EML6: variants seen among roughly 807,000 people sequenced by gnomAD.
EML6 encodes echinoderm microtubule-associated protein-like 6.
EML6 carries 154 observed loss-of-function variants against 240.1 expected under a neutral mutation model. The ratio of observed to expected loss-of-function variants is 0.64; its 90% confidence interval spans 0.56 to 0.73. EML6 has a LOEUF of 0.73. Ranked by LOEUF, EML6 falls within the 30% of genes least tolerant of loss-of-function variation. The pLI, the probability that EML6 is intolerant of heterozygous loss-of-function variation, is 0.00. For synonymous variants in EML6, 1,148 were observed against 899.0 expected, an observed-to-expected ratio of 1.28 and a Z score of -4.95; for missense variants, 2,964 against 2,474.6, an observed-to-expected ratio of 1.20 and a Z score of -4.20.
Position 54,799,261 on chromosome 2 carries a change from A to T in EML6, c.198-13971A>T, listed in dbSNP as rs532724442. ...TTTTTAGTAGAGAAGGAGTTTTACA[A>T]TGTTGGCCAGGCTGGTCTCAAACTC... is the stretch of plus-strand genomic sequence containing the variant. On this transcript the variant is annotated intron_variant, in intron 2 of 41. Transcript: ENST00000356458. Among the ~76,000 whole-genome samples, 3 of 149,976 alleles carry T rather than the reference A, an allele frequency of 2.0e-5. No individual in the cohort carries two copies. The South Asian group carries it at 6.3e-4, about 32-fold the overall frequency.
At chr2:54,859,330 C>T (rs563696607) in intron 11 of EML6, among the ~76,000 whole-genome samples, 8 of 152,238 alleles carry the variant, frequency 5.3e-5, no homozygotes, top group East Asian at 1.9e-4. Context: ...TTAAATTTTA[C>T]GACCTATTTT....
Position 54,894,950 on chromosome 2 carries a change from G to C in EML6, c.2778G>C (p.Glu926Asp), listed in dbSNP as rs1057026931. 7 of 1,551,368 alleles carry C rather than the reference G, an allele frequency of 4.5e-6. No homozygotes were observed. Among genetic ancestry groups the C allele is most frequent in the Non-Finnish European group, 6.1e-6 (7 of 1,146,730 alleles). ...CAGGTGGAAAGGACGGCATCGTGGAGCTCTGGGATGATATGTTTGAAAGAT... is the reference window on the plus strand; with the variant it reads ...CAGGTGGAAAGGACGGCATCGTGGACCTCTGGGATGATATGTTTGAAAGAT... ...FVTGGKDGIV[E>D]LWDDMFERCL... The change falls in exon 20 of 42, where the codon GAG (glutamate) becomes GAC (aspartate). Residue 926 changes from glutamate to aspartate, a missense_variant. Coordinates refer to ENST00000356458, the MANE Select transcript of EML6 (RefSeq NM_001039753.4).
chr2:54,961,423 G>A (rs1355087830), intron 35 of EML6, among the ~76,000 whole-genome samples: 1 of 151,468 alleles, frequency 6.6e-6, no homozygotes, highest in Admixed American at 6.6e-5. Context: ...CTGACCTCAG[G>A]TGATCCACCC....
intron 2 of EML6, among the ~76,000 whole-genome samples, chr2:54,775,211 C>A (rs1428167793): frequency 6.6e-6 from 1 of 152,210 alleles, no homozygotes; most frequent in Non-Finnish European, 1.5e-5. Context: ...ACTCTCAACC[C>A]TTGCTGCCCA....
At chr2:54,832,759 T>G (rs1332224110) in intron 7 of EML6, among the ~76,000 whole-genome samples, 2 of 141,202 alleles carry the variant, frequency 1.4e-5, no homozygotes, top group African/African-American at 5.1e-5. Flanking sequence ...CGCCAACCCC[T>G]CATCCCTTCC....
intron 2 of EML6, among the ~76,000 whole-genome samples, chr2:54,794,998 C>T (rs1236598371): frequency 6.6e-6 from 1 of 152,158 alleles, no homozygotes; most frequent in Non-Finnish European, 1.5e-5. Flanking sequence ...TCTTGAAACT[C>T]CTTTACCTCA....
intron 33 of EML6, 123 bp downstream of exon 33, chr2:54,958,121 G>A (rs1036056551): frequency 5.0e-6 from 4 of 802,872 alleles, no homozygotes; most frequent in Non-Finnish European, 7.8e-6. Flanking sequence ...TTCCACATTC[G>A]CTCCTGTACT....
At chr2:54,946,444 T>C (rs7581231) in intron 28 of EML6, among the ~76,000 whole-genome samples, 52,350 of 152,024 alleles carry the variant, frequency 0.34, 9,643 homozygotes, top group Admixed American at 0.43. Flanking sequence ...CCTCCACTCC[T>C]TCCCACCTCA....
intron 26 of EML6, 36 bp from the exon 27 acceptor site, chr2:54,928,277 A>G: frequency 1.3e-6 from 2 of 1,481,838 alleles, no homozygotes; most frequent in Non-Finnish European, 9.2e-7. Flanking sequence ...AAGGAATAAC[A>G]GTGGCTGGGG....
intron 2 of EML6, among the ~76,000 whole-genome samples, chr2:54,752,025 C>G (rs181588403): frequency 1.2e-3 from 183 of 152,240 alleles, no homozygotes; most frequent in African/African-American, 4.3e-3. Context: ...AACTTTCTTC[C>G]TTCTTTCCCA....
At chr2:54,960,122 CA>C in intron 34 of EML6, 97 bp from the exon 35 acceptor site, 1 of 927,828 alleles carries the variant, frequency 1.1e-6, no homozygotes, top group Admixed American at 2.1e-5. Flanking sequence ...CCCAACTGGC[CA>C]GAACCCTGAT....
chr2:54,771,345 C>T (rs992429918), intron 2 of EML6, among the ~76,000 whole-genome samples: 7 of 152,184 alleles, frequency 4.6e-5, no homozygotes, highest in East Asian at 1.9e-4. Flanking sequence ...TGTCCCGTAA[C>T]GCCACAGGCA....
chr2:54,743,880 C>T (rs1379757636), intron 2 of EML6, among the ~76,000 whole-genome samples: 3 of 152,188 alleles, frequency 2.0e-5, no homozygotes, highest in South Asian at 2.1e-4. Flanking sequence ...AATCATCTTG[C>T]ACATATCTTT....
Position 54,968,284 on chromosome 2 carries a change from G to T in EML6, c.5751+3G>T. ...ATTTTCCATGCACAGAAAAATTTGT[G>T]AGTGTTCCTCAGAGTAACCTCCCTG... On this transcript the variant is annotated splice_donor_region_variant and intron_variant, in intron 40 of 41. Coordinates refer to ENST00000356458, the MANE Select transcript of EML6 (RefSeq NM_001039753.4). 6.4e-7 allele frequency: 1 copy of T among 1,551,706 alleles called. No individual in the cohort carries two copies. Among genetic ancestry groups the T allele is most frequent in the Non-Finnish European group, 8.7e-7 (1 of 1,147,012 alleles).
In EML6 at chr2:54,847,546, C is replaced by T; in HGVS notation, c.1110C>T (p.Arg370=). 1 of 1,552,252 alleles carries T rather than the reference C, an allele frequency of 6.4e-7. No individual in the cohort carries two copies. Among genetic ancestry groups the T allele is most frequent in the Non-Finnish European group, 8.7e-7 (1 of 1,147,122 alleles). Residue 370 remains arginine, a synonymous_variant, in exon 9 of 42, where the codon CGC becomes CGT. Coordinates refer to ENST00000356458, the MANE Select transcript of EML6 (RefSeq NM_001039753.4). ...IARCNMEEAV[R]SVAFSPDGSQ... ...GCTGTAACATGGAAGAGGCGGTTCGCAGTGTAGCTTTCAGCCCCGACGGAT... is the reference window on the plus strand; with the variant it reads ...GCTGTAACATGGAAGAGGCGGTTCGTAGTGTAGCTTTCAGCCCCGACGGAT...
At chr2:54,874,956 G>A (rs1031369917) in intron 16 of EML6, among the ~76,000 whole-genome samples, 1 of 152,180 alleles carries the variant, frequency 6.6e-6, no homozygotes, top group Non-Finnish European at 1.5e-5. Flanking sequence ...GCCTGGGTTT[G>A]TCAGCAGGCA....
chr2:54,803,037 C>A (rs1670265823), intron 2 of EML6, among the ~76,000 whole-genome samples: 1 of 152,084 alleles, frequency 6.6e-6, no homozygotes, highest in South Asian at 2.1e-4. Context: ...CCCACTTACT[C>A]CTCCAAACAC....
chr2:54,870,274 A>C (rs772166411), intron 15 of EML6, among the ~76,000 whole-genome samples: 1 of 152,130 alleles, frequency 6.6e-6, no homozygotes, highest in East Asian at 1.9e-4. Flanking sequence ...AGGGGAGTCA[A>C]CCCCTTAAAA....
At chr2:54,793,009 T>C (rs1468516479) in intron 2 of EML6, among the ~76,000 whole-genome samples, 1 of 152,222 alleles carries the variant, frequency 6.6e-6, no homozygotes, top group Non-Finnish European at 1.5e-5. Flanking sequence ...GGCTCTCAAC[T>C]ATAATCTCAG....
Sources: allele counts gnomAD v4.1 joint callset (sites outside exome capture counted in the v4.1 genomes callset), GRCh38; gene constraint gnomAD v4.1.1; transcripts MANE v1.5; gene names NCBI Gene and HGNC (gene_info 2026-07-23, HGNC 2026-07-21).